Variants in TDP1 observed in about 807,000 individuals in gnomAD.
TDP1 encodes tyrosyl-DNA phosphodiesterase 1.
TDP1 carries 64 observed loss-of-function variants against 81.5 expected under a neutral mutation model. That is an observed-to-expected ratio of 0.79 (90% CI 0.64 to 0.97). The LOEUF (loss-of-function observed/expected upper bound fraction) is 0.97, where lower values mean the gene tolerates loss of function less well. Among genes scored for constraint, TDP1 ranks in the 50% least tolerant of loss-of-function variants. TDP1 has a pLI of 0.00. For missense variants in TDP1, 723 were observed against 743.8 expected (o/e 0.97, Z 0.33); for synonymous variants, 256 against 264.3 (o/e 0.97, Z 0.30).
At chr14:89,998,375 TATATATATATATATATATATA>T (rs1566890694) in intron 14 of TDP1, among the ~76,000 whole-genome samples, 2 of 4,150 alleles carry the variant, frequency 4.8e-4, no homozygotes, top group African/African-American at 7.0e-4. Flanking sequence ...AAGCACATTA[TATATATATATATATATATATA>T]TATATATATA....
Position 90,019,303 on chromosome 14 carries a change from C to T in TDP1, c.1542-13C>T, listed in dbSNP as rs748810003. On this transcript the variant is annotated splice_polypyrimidine_tract_variant and intron_variant, in intron 14 of 16. Transcript: ENST00000335725. ...TCCCTGAGTCAGCCCTATCTGTGTC[C>T]TTGTCTCTGCAGCGCAAATCTGTCC... The T allele has an allele frequency of 3.2e-6, 5 of 1,572,364 alleles. No homozygotes were observed. The South Asian group carries it at 5.5e-5, about 17-fold the overall frequency.
chr14:90,033,898 T>TA (rs901380889), intron 16 of TDP1, among the ~76,000 whole-genome samples: 19 of 151,596 alleles, frequency 1.3e-4, no homozygotes, highest in African/African-American at 3.4e-4. Flanking sequence ...AACCAGTATG[T>TA]AAAAAAAAAT....
At chr14:89,991,062 CAA>C (rs1427104536) in intron 12 of TDP1, among the ~76,000 whole-genome samples, 2 of 152,056 alleles carry the variant, frequency 1.3e-5, no homozygotes, top group African/African-American at 2.4e-5. Context: ...TCAGCCAGTA[CAA>C]AGTCTGTTTG....
At chr14:89,998,420 ATATGTATG>A (rs757314572) in intron 14 of TDP1, among the ~76,000 whole-genome samples, 28 of 79,276 alleles carry the variant, frequency 3.5e-4, no homozygotes, top group African/African-American at 1.3e-3. Context: ...ATATATATAT[ATATGTATG>A]TATGTATGTA....
chr14:90,003,351 A>G (rs1268155410), intron 14 of TDP1, among the ~76,000 whole-genome samples: 1 of 152,238 alleles, frequency 6.6e-6, no homozygotes, highest in Non-Finnish European at 1.5e-5. Flanking sequence ...TGAACTTATT[A>G]GGATGTTATA....
chr14:90,026,207 G>T (rs1886629873), intron 15 of TDP1, among the ~76,000 whole-genome samples: 1 of 152,200 alleles, frequency 6.6e-6, no homozygotes, highest in African/African-American at 2.4e-5. Flanking sequence ...CAGTTTACAA[G>T]AGCCACCACC....
intron 2 of TDP1, 156 bp downstream of exon 2, chr14:89,956,956 A>G (rs1293040002): frequency 2.0e-5 from 3 of 152,374 alleles, no homozygotes; most frequent in Admixed American, 2.0e-4. Context: ...GGTCCCATTG[A>G]TCATTGCATA....
chr14:90,033,253 A>C (rs755379875), intron 16 of TDP1, 39 bp downstream of exon 16: 1 of 1,193,408 alleles, frequency 8.4e-7, no homozygotes, highest in Admixed American at 1.7e-5. Flanking sequence ...GTGGATATGC[A>C]TAAGAAAAAC....
In TDP1 at chr14:89,984,191, A is replaced by G. The variant is rs925022824; in HGVS notation, c.885-325A>G. On this transcript the variant is annotated intron_variant, in intron 8 of 16. Coordinates refer to ENST00000335725, the MANE Select transcript of TDP1 (RefSeq NM_018319.4). The stretch of plus-strand genomic sequence containing the variant: ...TCTTGTCATCAAGTCTTAGAAAGCA[A>G]TATATAGGTGCAGAGGTAAGAGGAG... The G allele has an allele frequency of 4.1e-6, 4 of 985,286 alleles. No homozygotes were observed. In the Admixed American group the frequency reaches 2.5e-4, roughly 61 times the overall value. The allele number at this position is 985,286 out of a possible 1,614,324, so 61.0% of individuals were successfully genotyped here. A position where few individuals can be genotyped will look rare whatever the true frequency, so the allele number is the denominator to read the frequency against.
In TDP1 at chr14:90,043,210, T is replaced by A; in HGVS notation, c.*67T>A. 1.3e-6 allele frequency: 2 copies of A among 1,599,296 alleles called. No homozygotes were observed. Among genetic ancestry groups the A allele is most frequent in the Non-Finnish European group, 1.7e-6 (2 of 1,167,934 alleles). ...CCACAAACATGGAATCTCTTCTTTG[T>A]ACTGGATGTCCACTTCCCTTAAAGT... is the stretch of plus-strand genomic sequence containing the variant. On this transcript the variant is annotated 3_prime_UTR_variant, in exon 17 of 17. Transcript: ENST00000335725.
At chr14:89,992,884 A>G (rs1231384033) in intron 13 of TDP1, 19 of 974,436 alleles carry the variant, frequency 1.9e-5, no homozygotes, top group Non-Finnish European at 2.3e-5. Flanking sequence ...AGATTTGTGA[A>G]TGTCAGCATT....
intron 5 of TDP1, among the ~76,000 whole-genome samples, chr14:89,968,038 A>G (rs1389671790): frequency 6.6e-6 from 1 of 152,190 alleles, no homozygotes; most frequent in Non-Finnish European, 1.5e-5. Context: ...CACACAAGAA[A>G]TAATGATTGT....
intron 16 of TDP1, among the ~76,000 whole-genome samples, chr14:90,040,825 C>T (rs1345247809): frequency 6.6e-6 from 1 of 152,204 alleles, no homozygotes; most frequent in Admixed American, 6.5e-5. Context: ...CTAGCTTTGC[C>T]TCCAGGTAGT....
intron 15 of TDP1, among the ~76,000 whole-genome samples, chr14:90,023,743 G>A (rs1213233260): frequency 6.6e-6 from 1 of 151,874 alleles, no homozygotes; most frequent in East Asian, 1.9e-4. Context: ...CCAGGCTGGA[G>A]TACAGAGCTG....
At chr14:89,980,048 A>T (rs36124253) in intron 7 of TDP1, 1 of 349,426 alleles carries the variant, frequency 2.9e-6, no homozygotes, top group African/African-American at 2.2e-5. Flanking sequence ...TTTACATTTC[A>T]GTGTATTGTG....
At chr14:90,033,052 T>G in intron 15 of TDP1, 54 bp from the exon 16 acceptor site, 2 of 1,333,924 alleles carry the variant, frequency 1.5e-6, no homozygotes. Context: ...CTGGTTTTTT[T>G]TTTTAAACCC....
intron 13 of TDP1, 57 bp downstream of exon 13, chr14:89,992,040 A>T: frequency 2.1e-6 from 3 of 1,441,332 alleles, no homozygotes; most frequent in Non-Finnish European, 9.6e-7. Flanking sequence ...AGTGTTATTT[A>T]TGTCACTGGT....
At chr14:89,960,899 A>G (rs1596492128) in intron 2 of TDP1, among the ~76,000 whole-genome samples, 1 of 152,198 alleles carries the variant, frequency 6.6e-6, no homozygotes, top group Non-Finnish European at 1.5e-5. Context: ...TGAAAAAATC[A>G]TGAGATCTAT....
intron 5 of TDP1, among the ~76,000 whole-genome samples, chr14:89,969,986 C>T (rs906677812): frequency 6.7e-6 from 1 of 148,250 alleles, no homozygotes; most frequent in Non-Finnish European, 1.5e-5. Context: ...ACGCCATTCT[C>T]CTGCCTCAGC....
Sources: gnomAD v4.1 joint callset for allele counts (sites outside exome capture counted in the v4.1 genomes callset) on GRCh38, gnomAD v4.1.1 for gene constraint, MANE v1.5 for transcripts, NCBI Gene and HGNC (gene_info 2026-07-23, HGNC 2026-07-21) for gene names.